CUL7: variants seen among roughly 807,000 people sequenced by gnomAD.
CUL7 encodes the protein cullin-7.
In CUL7, 96 loss-of-function variants were observed where a neutral mutation model predicts 177.7. The ratio of observed to expected loss-of-function variants is 0.54; its 90% CI spans 0.46 to 0.64. The LOEUF is 0.64. CUL7 is among the 30% of genes least tolerant of loss of function. The probability of loss-of-function intolerance (pLI) is 0.00; values close to 1 mark genes in which losing one functional copy is unlikely to be tolerated. For missense variants in CUL7, 1,893 were observed against 2,187.9 expected (o/e 0.87, Z 2.69); for synonymous variants, 824 against 890.2 (o/e 0.93, Z 1.32).
At position 43,044,664 on chromosome 6, in the gene CUL7, C is replaced by T. The variant is rs561817766; in HGVS notation, c.3172+88G>A. Reference sequence around the variant, plus strand: ...GGTGCCAAAAGGGCCAGGACATAATCCAGGTGGTTCTAGGGTAGAGCAAGA... The same window carrying T: ...GGTGCCAAAAGGGCCAGGACATAATTCAGGTGGTTCTAGGGTAGAGCAAGA... On this transcript the variant is annotated intron_variant, in intron 16 of 25. Transcript: ENST00000265348. The T allele has an allele frequency of 8.9e-4, 1,367 of 1,531,230 alleles. No homozygotes were observed. In the Middle Eastern group the frequency reaches 9.7e-3, roughly 11 times the overall value. 94.9% of individuals were successfully genotyped at this position (1,531,230 alleles called of 1,614,324 possible). A position where few individuals can be genotyped will look rare whatever the true frequency, so the allele number is the denominator to read the frequency against.
chr6:43,043,629 A>G lies in CUL7; in HGVS notation c.3174T>C (p.Asp1058=). 1 of 1,597,468 alleles carries G rather than the reference A, an allele frequency of 6.3e-7. No homozygotes were observed. The highest frequency in any genetic ancestry group is 2.2e-5 in the East Asian group (1 of 44,486). ...AACCCAGGGGGCTAATGCCATCCTCATCTAGAGGGTGAGATAAACAAACCA... is the reference window on the plus strand; with the variant it reads ...AACCCAGGGGGCTAATGCCATCCTCGTCTAGAGGGTGAGATAAACAAACCA... The part of the protein sequence containing the change: ...SPVVQNITSP[D]EDGISPLGWL... Residue 1058 remains aspartate, a splice_region_variant and synonymous_variant, in exon 17 of 26, where the codon GAT becomes GAC. Transcript: ENST00000265348. This position sits in a 1 kb window ranked among gnomAD's most constrained non-coding sequence, Gnocchi z 4.2.
Position 43,045,862 on chromosome 6 carries a change from G to A in CUL7, c.2766+124C>T, listed in dbSNP as rs946287343. 3.7e-6 allele frequency: 4 copies of A among 1,072,372 alleles called. No individual in the cohort carries two copies. The highest frequency in any genetic ancestry group is 2.0e-4 in the Middle Eastern group (1 of 5,086). The allele number at this position is 1,072,372 out of a possible 1,614,324, so 66.4% of individuals were successfully genotyped here. On this transcript the variant is annotated intron_variant, in intron 13 of 25. Coordinates refer to ENST00000265348, the MANE Select transcript of CUL7 (RefSeq NM_014780.5). The surrounding 1 kb of genome is among the most constrained non-coding windows in gnomAD (Gnocchi z 4.8). The stretch of plus-strand genomic sequence containing the variant: ...TGGTGGCACAAGCACAGGGATAAAG[G>A]ACACTACTTTCTGTGGGGCTCAAGA...
At chr6:43,047,325 T>C (rs1199105204) in intron 9 of CUL7, among the ~76,000 whole-genome samples, 1 of 152,152 alleles carries the variant, frequency 6.6e-6, no homozygotes. Flanking sequence ...GGGCACAAGA[T>C]GCCCTGCTAC....
rs2150318243 is a variant in CUL7, at chr6:43,043,983, G to A, written c.3173-353C>T. ...ACCTGAGGTCGGGAGTTCGAGATCA[G>A]CCTGACCAACACGGAGAAACCCCAC... On this transcript the variant is annotated intron_variant, in intron 16 of 25. Transcript: ENST00000265348. This position sits in a 1 kb window ranked among gnomAD's most constrained non-coding sequence, Gnocchi z 4.2. Among the ~76,000 whole-genome samples the A allele has an allele frequency of 6.6e-6, 1 of 152,150 alleles. No individual in the cohort carries two copies. The highest frequency in any genetic ancestry group is 2.4e-5 in the African/African-American group (1 of 41,526).
chr6:43,046,927 G>A lies in CUL7; in HGVS notation c.2350C>T (p.His784Tyr), dbSNP rs1428431616. 1.9e-6 allele frequency: 3 copies of A among 1,612,822 alleles called. No homozygotes were observed. The African/African-American group carries it at 4.0e-5, about 22-fold the overall frequency. The stretch of plus-strand genomic sequence containing the variant: ...TTGGTGATGAGTTTGCGGTAGAGGT[G>A]GGCATGCTTCTCACACTTGAACACC... ...DMVFKCEKHA[H>Y]LYRKLITNIL... The change falls in exon 10 of 26, where the codon CAC (histidine) becomes TAC (tyrosine). Residue 784 changes from histidine to tyrosine, a missense_variant. Physicochemically the swap from His to Tyr is moderately conservative, Grantham distance 83. Coordinates refer to ENST00000265348, the MANE Select transcript of CUL7 (RefSeq NM_014780.5).
At position 43,051,100 on chromosome 6, in the gene CUL7, ATTGCCAC is replaced by A; in HGVS notation, c.1094_1100del (p.Ser365IlefsTer101). On this transcript the variant is annotated frameshift_variant, in exon 4 of 26. Transcript: ENST00000265348. LOFTEE classifies it high-confidence loss of function. This position sits in a 1 kb window ranked among gnomAD's most constrained non-coding sequence, Gnocchi z 5.0. ...TGTCCCGCACATACAAAGCATAGGT[ATTGCCAC>A]TTGCGAACTCAGAACGAGGGCGAAA... 1 of 1,614,198 alleles carries A rather than the reference ATTGCCAC, an allele frequency of 6.2e-7. No homozygotes were observed. The highest frequency in any genetic ancestry group is 8.5e-7 in the Non-Finnish European group (1 of 1,180,040).
rs1763123110 is a variant in CUL7 at position 43,038,288 on chromosome 6, G to A, written c.4752C>T (p.His1584=). The change falls in exon 25 of 26, where the codon CAC becomes CAT. Residue 1584 remains histidine (H), a synonymous_variant. Transcript: ENST00000265348. ...CTACCAGACAGACAAGCTGGTCAAT[G>A]TGCAGCCCCTCATCTCCATGGGCCT... The part of the protein sequence containing the change: ...ILKAHGDEGL[H]IDQLVCLVLE... 4 of 1,614,188 alleles carry A rather than the reference G, an allele frequency of 2.5e-6. No homozygotes were observed. The highest frequency in any genetic ancestry group is 2.2e-5 in the South Asian group (2 of 91,082).
At position 43,045,462 on chromosome 6, in the gene CUL7, C is replaced by T; in HGVS notation, c.2863-60G>A. The T allele has an allele frequency of 1.2e-6, 2 of 1,614,032 alleles. No individual in the cohort carries two copies. Among genetic ancestry groups the T allele is most frequent in the Admixed American group, 3.3e-5 (2 of 60,032 alleles). ...ACACCTTGGGATGGGCTGGGGTCAG[C>T]TACGCCCTCGAACCTCACCCCTGGA... On this transcript the variant is annotated intron_variant, in intron 14 of 25. Coordinates refer to ENST00000265348, the MANE Select transcript of CUL7 (RefSeq NM_014780.5). This position sits in a 1 kb window ranked among gnomAD's most constrained non-coding sequence, Gnocchi z 4.8.
intron 7 of CUL7, among the ~76,000 whole-genome samples, chr6:43,049,009 T>C (rs1212124573): frequency 6.6e-6 from 1 of 152,046 alleles, no homozygotes; most frequent in African/African-American, 2.4e-5. Context: ...CCTGACCTCA[T>C]GATCCACCTG....
intron 16 of CUL7, 103 bp downstream of exon 16, chr6:43,044,649 G>A: frequency 1.4e-6 from 2 of 1,477,034 alleles, no homozygotes; most frequent in Non-Finnish European, 1.8e-6. Context: ...GGTGCCAAAA[G>A]GGCCAGGACA....
At position 43,051,311 on chromosome 6, in the gene CUL7, C is replaced by T; in HGVS notation, c.890G>A (p.Ser297Asn). 3 of 1,610,116 alleles carry T rather than the reference C, an allele frequency of 1.9e-6. No homozygotes were observed. The highest frequency in any genetic ancestry group is 2.5e-6 in the Non-Finnish European group (3 of 1,177,232). Residue 297 changes from serine to asparagine, a missense_variant, in exon 4 of 26, where the codon AGT becomes AAT. Ser to Asn is a conservative substitution (Grantham distance 46). Around this residue, in one of 5 missense-constraint regions of CUL7, gnomAD observed 653 missense variants for 725.2 expected, o/e 0.90. Coordinates refer to ENST00000265348, the MANE Select transcript of CUL7 (RefSeq NM_014780.5). The surrounding 1 kb of genome is among the most constrained non-coding windows in gnomAD (Gnocchi z 5.0). ...GERGQLELEF[S>N]MAMGTLISEL... is the part of the protein sequence containing the mutation. Reference sequence around the variant, plus strand: ...CGAGATCAGGGTGCCCATGGCCATACTGAACTCCAGCTCCAGTTGACCCCT... The same window carrying T: ...CGAGATCAGGGTGCCCATGGCCATATTGAACTCCAGCTCCAGTTGACCCCT...
At chr6:43,046,733 T>A (rs974867319) in intron 10 of CUL7, 132 bp from the exon 11 acceptor site, 3 of 1,417,252 alleles carry the variant, frequency 2.1e-6, no homozygotes, top group Non-Finnish European at 3.0e-6. Context: ...CAGGCCCAGA[T>A]GGGGCAGAGG....
At position 43,046,058 on chromosome 6, in the gene CUL7, C is replaced by G. The variant is rs376536239; in HGVS notation, c.2694G>C (p.Ser898=). The part of the protein sequence containing the change: ...QLTLLVASED[S]SYMPARVVVC... The stretch of plus-strand genomic sequence containing the variant: ...CCACCACTCGGGCCGGCATGTAACT[C>G]GAGTCCTCACTAGCCACAAGCAGAG... The change falls in exon 13 of 26, where the codon TCG becomes TCC. Residue 898 remains serine, a synonymous_variant. Transcript: ENST00000265348. 6.2e-7 allele frequency: 1 copy of G among 1,614,116 alleles called. No homozygotes were observed. The highest frequency in any genetic ancestry group is 8.5e-7 in the Non-Finnish European group (1 of 1,180,028).
rs1764345842 is a variant in CUL7, at chr6:43,050,978, G to A, written c.1223C>T (p.Pro408Leu). ...CCATGTGCCACTCACCTGCACAGGA[G>A]GCACACCGTTGTTGCTCTGCCGAAA... ...GEFRQSNNGVPPVQVFWESTG... is the reference protein window; with the variant it reads ...GEFRQSNNGVLPVQVFWESTG... Residue 408 changes from proline to leucine, a missense_variant, in exon 4 of 26, where the codon CCT becomes CTT. Physicochemically the swap from Pro to Leu is moderately conservative, Grantham distance 98. Transcript: ENST00000265348. This position sits in a 1 kb window ranked among gnomAD's most constrained non-coding sequence, Gnocchi z 4.1. 6.2e-7 allele frequency: 1 copy of A among 1,614,034 alleles called. No individual in the cohort carries two copies. Among genetic ancestry groups the A allele is most frequent in the Non-Finnish European group, 8.5e-7 (1 of 1,180,010 alleles).
intron 10 of CUL7, 129 bp downstream of exon 10, chr6:43,046,751 G>A (rs753890206): frequency 7.5e-7 from 1 of 1,325,876 alleles, no homozygotes; most frequent in African/African-American, 1.5e-5. Context: ...AGGGGAAGGG[G>A]AACAAATGCC....
At chr6:43,047,796 T>C (rs1764040897) in intron 9 of CUL7, among the ~76,000 whole-genome samples, 1 of 152,012 alleles carries the variant, frequency 6.6e-6, no homozygotes, top group Non-Finnish European at 1.5e-5. Flanking sequence ...AAAAAGAGAG[T>C]GGCAAGATCA....
At chr6:43,048,682 A>G (rs1464628808) in intron 7 of CUL7, 113 bp from the exon 8 acceptor site, 2 of 779,734 alleles carry the variant, frequency 2.6e-6, no homozygotes, top group East Asian at 5.4e-5. Context: ...AATGTTTTAA[A>G]TTTTTTAATC....
intron 9 of CUL7, among the ~76,000 whole-genome samples, chr6:43,047,691 C>T (rs1764032870): frequency 6.6e-6 from 1 of 152,172 alleles, no homozygotes; most frequent in East Asian, 1.9e-4. Context: ...CGCTCTGCCT[C>T]CTTCATCCCC....
At position 43,044,896 on chromosome 6, in the gene CUL7, G is replaced by A. The variant is rs1306580254; in HGVS notation, c.3039-11C>T. 3 of 1,611,340 alleles carry A rather than the reference G, an allele frequency of 1.9e-6. No homozygotes were observed. The highest frequency in any genetic ancestry group is 1.1e-5 in the South Asian group (1 of 90,986). ...AGAGCACCGTTGAGTCTGGGGGTGA[G>A]AATGGAGGAGGAAGGTGTCAGGGGC... is the stretch of plus-strand genomic sequence containing the variant. On this transcript the variant is annotated splice_polypyrimidine_tract_variant and intron_variant, in intron 15 of 25. Transcript: ENST00000265348.
Sources: allele counts gnomAD v4.1 joint callset (sites outside exome capture counted in the v4.1 genomes callset), GRCh38; gene constraint gnomAD v4.1.1; regional missense constraint gnomAD v4.1.1; non-coding constraint Gnocchi (gnomAD v3.1); transcripts MANE v1.5; gene names NCBI Gene and HGNC (gene_info 2026-07-23, HGNC 2026-07-21).